The following ZFAND3 variants were observed in gnomAD, a reference collection of about 807,000 sequenced individuals.
ZFAND3 encodes AN1-type zinc finger protein 3.
ZFAND3 carries 10 observed loss-of-function variants against 29.6 expected under a neutral mutation model. The ratio of observed to expected loss-of-function variants is 0.34; its 90% CI spans 0.21 to 0.57. The LOEUF is 0.57. Among genes scored for constraint, ZFAND3 ranks in the 20% least tolerant of loss-of-function variants. The pLI, the probability that ZFAND3 is intolerant of heterozygous loss-of-function variation, is 0.86. For missense variants in ZFAND3, 230 were observed against 304.5 expected (o/e 0.76, Z 1.82); for synonymous variants, 128 against 112.6 (o/e 1.14, Z -0.87).
At chr6:38,043,205 T>C (rs922587548) in intron 2 of ZFAND3, among the ~76,000 whole-genome samples, 2 of 152,118 alleles carry the variant, frequency 1.3e-5, no homozygotes, top group African/African-American at 4.8e-5. Context: ...TGTCTTGTCT[T>C]GTTTTTTCCT....
intron 1 of ZFAND3, among the ~76,000 whole-genome samples, chr6:37,826,794 G>A (rs1763768623): frequency 6.6e-6 from 1 of 151,574 alleles, no homozygotes; most frequent in South Asian, 2.1e-4. Flanking sequence ...ATCTAAAACT[G>A]TATCCTAGAA....
At chr6:37,833,846 A>G (rs1763911249) in intron 1 of ZFAND3, among the ~76,000 whole-genome samples, 3 of 147,292 alleles carry the variant, frequency 2.0e-5, no homozygotes, top group African/African-American at 5.1e-5. Flanking sequence ...AAAAAAAAGG[A>G]CTTCATTTTT....
In ZFAND3 at chr6:38,072,808, G is replaced by C. The variant is rs1479376912; in HGVS notation, c.296-9584G>C. Among the ~76,000 whole-genome samples the C allele has an allele frequency of 3.3e-5, 5 of 152,132 alleles. No homozygotes were observed. In the East Asian group the frequency reaches 9.6e-4, roughly 29 times the overall value. On this transcript the variant is annotated intron_variant, in intron 3 of 5. Transcript: ENST00000287218. ...TGTACATTTTGTATTCATGGCCTCT[G>C]TTACTTTATAAACCATCTCACTTTT... is the stretch of plus-strand genomic sequence containing the variant.
intron 2 of ZFAND3, among the ~76,000 whole-genome samples, chr6:38,048,636 T>TAAAAAAAAAAAAAAAAAAAAAAAAAAAAA: frequency 2.6e-5 from 1 of 39,018 alleles, no homozygotes; most frequent in African/African-American, 9.4e-5. Flanking sequence ...AAAAAAAAAT[T>TAAAAAAAAAAAAAAAAAAAAAAAAAAAAA]CAATGCCTGT....
chr6:37,931,862 C>T (rs929348325), intron 2 of ZFAND3, among the ~76,000 whole-genome samples: 2 of 152,172 alleles, frequency 1.3e-5, no homozygotes, highest in South Asian at 4.1e-4. Context: ...ATTGGGGAAG[C>T]TGACAGCTTT....
At chr6:37,847,344 G>C (rs1400136587) in intron 1 of ZFAND3, among the ~76,000 whole-genome samples, 1 of 152,110 alleles carries the variant, frequency 6.6e-6, no homozygotes, top group Admixed American at 6.6e-5. Flanking sequence ...GGGAGGCTGA[G>C]GGGGGCGGAT....
chr6:38,037,672 A>C (rs1030024825), intron 2 of ZFAND3, among the ~76,000 whole-genome samples: 46 of 152,182 alleles, frequency 3.0e-4, no homozygotes, highest in African/African-American at 7.7e-4. Flanking sequence ...ATGGGGCCAC[A>C]CAAAGGGTGC....
chr6:38,043,711 A>C (rs1763841970), intron 2 of ZFAND3, among the ~76,000 whole-genome samples: 1 of 152,036 alleles, frequency 6.6e-6, no homozygotes, highest in Non-Finnish European at 1.5e-5. Flanking sequence ...TCCAGGGTCC[A>C]AGGACTCCTC....
chr6:37,949,334 G>A (rs774758034), intron 2 of ZFAND3, among the ~76,000 whole-genome samples: 3 of 152,022 alleles, frequency 2.0e-5, no homozygotes, highest in Non-Finnish European at 2.9e-5. Flanking sequence ...TTCTTATTGT[G>A]TGGGGAAAAC....
intron 5 of ZFAND3, among the ~76,000 whole-genome samples, chr6:38,137,882 CG>C (rs1300096134): frequency 1.3e-5 from 2 of 152,078 alleles, no homozygotes; most frequent in African/African-American, 4.8e-5. Context: ...CAGTGCGTTG[CG>C]GGAGGAGAGT....
rs569300551 is a variant in ZFAND3 at position 37,851,903 on chromosome 6, A to T, written c.71+31887A>T. ...CTCAATTTCTGTTGTTGTTTTTGTT[A>T]ATTAAAGATTGATTCTTTAAAGGCA... On this transcript the variant is annotated intron_variant, in intron 1 of 5. Transcript: ENST00000287218. Among the ~76,000 whole-genome samples, 391 of 152,300 alleles carry T rather than the reference A, an allele frequency of 2.6e-3. 2 individuals are homozygous for T. The highest frequency in any genetic ancestry group is 7.5e-3 in the South Asian group (36 of 4,822).
intron 2 of ZFAND3, among the ~76,000 whole-genome samples, chr6:37,930,821 C>T (rs1428033367): frequency 6.6e-6 from 1 of 152,136 alleles, no homozygotes; most frequent in East Asian, 1.9e-4. Context: ...CTTCTTTATT[C>T]ATTTTGTCAA....
chr6:37,960,924 T>TA (rs76094122), intron 2 of ZFAND3, among the ~76,000 whole-genome samples: 98 of 147,206 alleles, frequency 6.7e-4, no homozygotes, highest in East Asian at 5.5e-3. Flanking sequence ...TACCAAAAAT[T>TA]AAAAAAAAAA....
At chr6:38,043,748 A>G (rs997389753) in intron 2 of ZFAND3, among the ~76,000 whole-genome samples, 1 of 152,060 alleles carries the variant, frequency 6.6e-6, no homozygotes, top group Non-Finnish European at 1.5e-5. Flanking sequence ...AGTAGCTAAG[A>G]CTAAAGGTGC....
intron 2 of ZFAND3, among the ~76,000 whole-genome samples, chr6:37,990,396 C>T (rs1231917307): frequency 1.3e-5 from 2 of 152,062 alleles, no homozygotes; most frequent in African/African-American, 4.8e-5. Flanking sequence ...TATGTACTTC[C>T]TAGAGCCACT....
At chr6:37,971,294 A>G (rs1446053848) in intron 2 of ZFAND3, among the ~76,000 whole-genome samples, 1 of 152,156 alleles carries the variant, frequency 6.6e-6, no homozygotes, top group East Asian at 1.9e-4. Context: ...GCATTTTTAA[A>G]TTGAAGAGAT....
Position 38,029,964 on chromosome 6 carries a change from A to G in ZFAND3, c.113-31629A>G, listed in dbSNP as rs114522171. 6.6e-3 allele frequency among the ~76,000 whole-genome samples: 988 copies of G among 150,376 alleles called. 12 individuals are homozygous for G. The highest frequency in any genetic ancestry group is 0.023 in the African/African-American group (936 of 40,924). On this transcript the variant is annotated intron_variant, in intron 2 of 5. Transcript: ENST00000287218. ...TCTGTATTTAGTGCTTTTCATTTCT[A>G]TGTGTAGATCCATGATTCTGTCTGG...
intron 1 of ZFAND3, among the ~76,000 whole-genome samples, chr6:37,918,412 A>G (rs1201899941): frequency 6.6e-6 from 1 of 152,102 alleles, no homozygotes; most frequent in Non-Finnish European, 1.5e-5. Flanking sequence ...TCCAGCTTCT[A>G]GAAGTACCTT....
rs536960500 is a variant in ZFAND3 at position 38,061,696 on chromosome 6, G to A, written c.216G>A (p.Ser72=). The change falls in exon 3 of 6, where the codon TCG becomes TCA. Residue 72 remains serine (S), a synonymous_variant. Coordinates refer to ENST00000287218, the MANE Select transcript of ZFAND3 (RefSeq NM_021943.3). ...CCACCAGTGACAACAACAATACCTC[G>A]ATAACCACGCCAACTCTTAGTCCCA... ...EETTSDNNNT[S]ITTPTLSPSQ... 8 of 1,614,082 alleles carry A rather than the reference G, an allele frequency of 5.0e-6. No homozygotes were observed. The highest frequency in any genetic ancestry group is 3.3e-5 in the South Asian group (3 of 91,062).
Sources: gnomAD v4.1 joint callset for allele counts (sites outside exome capture counted in the v4.1 genomes callset) on GRCh38, gnomAD v4.1.1 for gene constraint, MANE v1.5 for transcripts, NCBI Gene and HGNC (gene_info 2026-07-23, HGNC 2026-07-21) for gene names.